ZDHHC11: variants seen among roughly 807,000 people sequenced by gnomAD.
The protein encoded by ZDHHC11 is zDHHC palmitoyltransferase 11.
ZDHHC11 carries 44 observed loss-of-function variants against 51.3 expected under a neutral mutation model. The observed-to-expected ratio is 0.86, with a 90% confidence interval of 0.67 to 1.10. ZDHHC11 has a LOEUF of 1.10. Ranked by LOEUF, ZDHHC11 falls within the 50% of genes least tolerant of loss-of-function variation. ZDHHC11 has a pLI of 0.00. For synonymous variants in ZDHHC11, 163 were observed against 222.0 expected (o/e 0.73, Z 2.36); for missense variants, 400 against 537.7 (o/e 0.74, Z 2.53).
At chr5:807,931 A>G (rs1739502946) in intron 11 of ZDHHC11, among the ~76,000 whole-genome samples, 1 of 151,146 alleles carries the variant, frequency 6.6e-6, no homozygotes, top group South Asian at 2.1e-4. Flanking sequence ...ATATCAGAGC[A>G]ACAGGATCAG....
intron 10 of ZDHHC11, among the ~76,000 whole-genome samples, chr5:818,014 G>A (rs1391786786): frequency 1.4e-4 from 21 of 151,202 alleles, no homozygotes; most frequent in African/African-American, 4.1e-4. Context: ...TCTCCTCCCC[G>A]ATGTGAACAA....
upstream of ZDHHC11, among the ~76,000 whole-genome samples, chr5:854,900 T>A (rs1466361690): frequency 9.7e-5 from 6 of 61,768 alleles, no homozygotes; most frequent in Admixed American, 2.0e-4. Context: ...AGCCAGGGGG[T>A]CAGACTGCCC....
At chr5:857,225 C>A (rs901899675) in intron 1 of ZDHHC11, among the ~76,000 whole-genome samples, 2 of 152,240 alleles carry the variant, frequency 1.3e-5, no homozygotes, top group Non-Finnish European at 2.9e-5. Context: ...GCCCGGGGAA[C>A]TGGCTGCCCA....
At chr5:822,786 A>C (rs1741735267) in intron 8 of ZDHHC11, among the ~76,000 whole-genome samples, 1 of 151,864 alleles carries the variant, frequency 6.6e-6, no homozygotes, top group Admixed American at 6.6e-5. Flanking sequence ...CTGGGATTTC[A>C]GGTGTGAAGC....
intron 4 of ZDHHC11, 90 bp from the exon 5 acceptor site, chr5:840,740 G>A (rs1744707634): frequency 1.3e-6 from 2 of 1,586,056 alleles, no homozygotes; most frequent in Non-Finnish European, 1.7e-6. Context: ...TGCTGGGGAT[G>A]GGGCGGTGTG....
intron 4 of ZDHHC11, 199 bp from the exon 5 acceptor site, chr5:840,849 C>T: frequency 6.8e-7 from 1 of 1,465,274 alleles, no homozygotes; most frequent in African/African-American, 1.4e-5. Flanking sequence ...TTTCATGATC[C>T]CTGCTTTATG....
At chr5:802,575 C>G (rs1343554843) in intron 11 of ZDHHC11, among the ~76,000 whole-genome samples, 1 of 150,412 alleles carries the variant, frequency 6.6e-6, no homozygotes, top group Non-Finnish European at 1.5e-5. Context: ...GCTATAGAGG[C>G]TGGTCCTTCC....
chr5:812,474 A>C (rs1198756746), intron 11 of ZDHHC11, among the ~76,000 whole-genome samples: 3 of 151,626 alleles, frequency 2.0e-5, no homozygotes, highest in Non-Finnish European at 3.0e-5. Context: ...AGAGAATGAC[A>C]ATATGTTCAG....
Position 800,662 on chromosome 5 carries a change from T to G in ZDHHC11, c.*7+438A>C, listed in dbSNP as rs539732729. Among the ~76,000 whole-genome samples, 6 of 151,520 alleles carry G rather than the reference T, an allele frequency of 4.0e-5. 1 individual carries two copies. Among genetic ancestry groups the G allele is most frequent in the African/African-American group, 1.5e-4 (6 of 41,306 alleles). On this transcript the variant is annotated intron_variant, in intron 12 of 12. Transcript: ENST00000283441. ...AATGATCATTTGTTTCACGGTTAAA[T>G]TTCACTGCATTCTATGGATCGTCCT...
chr5:829,958 C>A (rs1007928149), intron 7 of ZDHHC11, among the ~76,000 whole-genome samples: 2 of 150,912 alleles, frequency 1.3e-5, no homozygotes, highest in East Asian at 3.9e-4. Flanking sequence ...ATAGAACACT[C>A]ATCAAAATCA....
chr5:842,456 C>G (rs2150405944), intron 4 of ZDHHC11: 1 of 985,464 alleles, frequency 1.0e-6, no homozygotes, highest in African/African-American at 1.7e-5. Context: ...GCTTTAGGGA[C>G]TTCCACGTGG....
At chr5:846,402 C>T (rs1224126519) in intron 3 of ZDHHC11, among the ~76,000 whole-genome samples, 2 of 151,058 alleles carry the variant, frequency 1.3e-5, no homozygotes, top group Non-Finnish European at 3.0e-5. Context: ...TGCAGACAGC[C>T]GGGGCTCAGC....
chr5:838,451 G>A (rs1744238608), intron 5 of ZDHHC11, among the ~76,000 whole-genome samples: 1 of 152,106 alleles, frequency 6.6e-6, no homozygotes, highest in Admixed American at 6.5e-5. Flanking sequence ...TATTTGCAGT[G>A]AGGAGCAGAT....
chr5:854,745 C>T (rs1302292908), upstream of ZDHHC11, among the ~76,000 whole-genome samples: 1 of 149,096 alleles, frequency 6.7e-6, no homozygotes. Flanking sequence ...GGGACAGACC[C>T]CACCGAGGAC....
intron 3 of ZDHHC11, among the ~76,000 whole-genome samples, chr5:844,180 G>A (rs1357601655): frequency 1.3e-5 from 2 of 152,222 alleles, no homozygotes; most frequent in African/African-American, 4.8e-5. Context: ...TCAGGCTCCT[G>A]TCTCTGTGCC....
At chr5:854,265 C>G (rs1747786586), upstream of ZDHHC11, among the ~76,000 whole-genome samples, 1 of 141,002 alleles carries the variant, frequency 7.1e-6, no homozygotes, top group Non-Finnish European at 1.5e-5. Flanking sequence ...ATAGACCCCA[C>G]CAAGGACAGT....
At position 823,628 on chromosome 5, in the gene ZDHHC11, G is replaced by A. The variant is rs1238708461; in HGVS notation, c.1023+1536C>T. 3.6e-5 allele frequency: 6 copies of A among 168,130 alleles called. 1 individual carries two copies. Among genetic ancestry groups the A allele is most frequent in the African/African-American group, 1.4e-4 (6 of 42,570 alleles). 10.4% of individuals were successfully genotyped at this position (168,130 alleles called of 1,614,324 possible). On this transcript the variant is annotated intron_variant, in intron 8 of 12. Coordinates refer to ENST00000283441, the MANE Select transcript of ZDHHC11 (RefSeq NM_024786.3). ...ATTTTCAGATGGAATTCTCCTCCCC[G>A]ATGTGAACAATGAACGACGGTGTCA... is the stretch of plus-strand genomic sequence containing the variant.
At chr5:816,426 C>G (rs1740807296) in intron 10 of ZDHHC11, 7 of 441,424 alleles carry the variant, frequency 1.6e-5, no homozygotes, top group Admixed American at 5.0e-5. Flanking sequence ...AGCTGCGGGA[C>G]AGGCAGTGGC....
chr5:840,758 C>A lies in ZDHHC11; in HGVS notation c.629-108G>T. 5 of 1,572,356 alleles carry A rather than the reference C, an allele frequency of 3.2e-6. No homozygotes were observed. The South Asian group carries it at 4.7e-5, about 15-fold the overall frequency. On this transcript the variant is annotated intron_variant, in intron 4 of 12. Transcript: ENST00000283441. ...TGGGGATGGGGCGGTGTGGGGACAG[C>A]CAGTGCGAGGGATGTCTCCCTGCCC...
Sources: allele counts gnomAD v4.1 joint callset (sites outside exome capture counted in the v4.1 genomes callset), GRCh38; gene constraint gnomAD v4.1.1; transcripts MANE v1.5; gene names NCBI Gene and HGNC (gene_info 2026-07-23, HGNC 2026-07-21).